Variants in SLC2A9 observed in about 807,000 individuals in gnomAD.
SLC2A9 encodes solute carrier family 2 member 9, also known as solute carrier family 2, facilitated glucose transporter member 9.
A neutral mutation model predicts 50.6 loss-of-function variants in SLC2A9; 39 were observed. That is an observed-to-expected ratio of 0.77 (90% CI 0.60 to 1.01). The LOEUF (loss-of-function observed/expected upper bound fraction) is 1.01. Among genes scored for constraint, SLC2A9 ranks in the 50% least tolerant of loss-of-function variants. The probability of loss-of-function intolerance (pLI) is 0.00; values close to 1 mark genes in which losing one functional copy is unlikely to be tolerated. For missense variants in SLC2A9, 686 were observed against 677.6 expected, an observed-to-expected ratio of 1.01 and a Z score of -0.14; for synonymous variants, 324 against 276.9, an observed-to-expected ratio of 1.17 and a Z score of -1.69.
intron 10 of SLC2A9, among the ~76,000 whole-genome samples, chr4:9,884,941 T>C (rs1281961625): frequency 6.6e-6 from 1 of 152,146 alleles, no homozygotes; most frequent in African/African-American, 2.4e-5. Flanking sequence ...ACACCACATG[T>C]TCTCACTCAT....
intron 3 of SLC2A9, among the ~76,000 whole-genome samples, chr4:9,996,546 T>C (rs1758704060): frequency 6.6e-6 from 1 of 152,012 alleles, no homozygotes; most frequent in Non-Finnish European, 1.5e-5. Flanking sequence ...GTGCTGTGGC[T>C]CTGACACAGC....
chr4:9,845,676 C>T (rs1016110988), intron 10 of SLC2A9, among the ~76,000 whole-genome samples: 54 of 147,958 alleles, frequency 3.6e-4, no homozygotes, highest in Middle Eastern at 4.0e-3. Context: ...GTGATCCGCC[C>T]GCCTCGGCCT....
chr4:9,780,898 C>A (rs1718265070), intron 3 of SLC2A9, among the ~76,000 whole-genome samples: 1 of 152,184 alleles, frequency 6.6e-6, no homozygotes, highest in South Asian at 2.1e-4. Flanking sequence ...TGTAAAAGTG[C>A]CCTGCAAAGA....
chr4:9,911,934 T>C (rs1741887517), intron 7 of SLC2A9, among the ~76,000 whole-genome samples: 2 of 152,142 alleles, frequency 1.3e-5, no homozygotes, highest in South Asian at 2.1e-4. Context: ...ATGTGGCACA[T>C]ATACACCATG....
intron 5 of SLC2A9, among the ~76,000 whole-genome samples, chr4:9,949,480 T>C (rs1749807998): frequency 6.6e-6 from 1 of 152,250 alleles, no homozygotes; most frequent in South Asian, 2.1e-4. Flanking sequence ...AGTATTATTA[T>C]AATTTCTAGT....
chr4:9,839,715 T>A (rs1727713773), intron 10 of SLC2A9, among the ~76,000 whole-genome samples: 1 of 152,070 alleles, frequency 6.6e-6, no homozygotes, highest in African/African-American at 2.4e-5. Flanking sequence ...CCTAGCAAAC[T>A]AAATGCAGGA....
intron 3 of SLC2A9, among the ~76,000 whole-genome samples, chr4:9,808,730 T>G (rs1376265254): frequency 6.6e-6 from 1 of 152,180 alleles, no homozygotes; most frequent in East Asian, 1.9e-4. Flanking sequence ...TGTCTCTCCC[T>G]TTTGCAACAT....
chr4:9,791,387 C>T (rs908439874), intron 3 of SLC2A9, among the ~76,000 whole-genome samples: 8 of 152,184 alleles, frequency 5.3e-5, no homozygotes, highest in Non-Finnish European at 1.0e-4. Flanking sequence ...TTCACAGGCT[C>T]TCAGATAGAG....
chr4:10,007,470 G>A (rs954626865), intron 2 of SLC2A9, among the ~76,000 whole-genome samples: 5 of 152,204 alleles, frequency 3.3e-5, no homozygotes, highest in African/African-American at 9.6e-5. Flanking sequence ...AGCCTCCTGG[G>A]TTTCCCCTCA....
intron 10 of SLC2A9, among the ~76,000 whole-genome samples, chr4:9,847,913 C>T (rs1272640015): frequency 6.6e-6 from 1 of 152,092 alleles, no homozygotes; most frequent in Non-Finnish European, 1.5e-5. Context: ...ACTGAAAGAG[C>T]AAAGGAATTT....
intron 1 of SLC2A9, among the ~76,000 whole-genome samples, chr4:10,030,969 T>C (rs1372258889): frequency 6.6e-6 from 1 of 152,042 alleles, no homozygotes; most frequent in Non-Finnish European, 1.5e-5. Context: ...TGCAGAGAAC[T>C]CAACCCCAGC....
chr4:9,837,886 A>G (rs1256933080), intron 10 of SLC2A9, among the ~76,000 whole-genome samples: 1 of 152,172 alleles, frequency 6.6e-6, no homozygotes, highest in East Asian at 1.9e-4. Flanking sequence ...AAGGTGGTAA[A>G]GCATAGTGGA....
downstream of SLC2A9, among the ~76,000 whole-genome samples, chr4:9,795,374 GCA>G (rs377705565): frequency 5.4e-3 from 829 of 152,260 alleles, 7 homozygotes; most frequent in African/African-American, 0.019. Flanking sequence ...GCTGTACTGA[GCA>G]GTGAGAAAAC....
intron 3 of SLC2A9, among the ~76,000 whole-genome samples, chr4:9,812,038 A>C (rs1722961944): frequency 6.6e-6 from 1 of 152,212 alleles, no homozygotes; most frequent in Non-Finnish European, 1.5e-5. Flanking sequence ...TTTTATGTTA[A>C]AGCCACTGTG....
intron 1 of SLC2A9, among the ~76,000 whole-genome samples, chr4:10,032,032 A>G (rs1040273625): frequency 1.3e-5 from 2 of 152,184 alleles, no homozygotes; most frequent in African/African-American, 4.8e-5. Flanking sequence ...GATGGTGTAT[A>G]TTGAGCACCT....
intron 10 of SLC2A9, chr4:9,879,943 TC>T: frequency 1.0e-6 from 1 of 985,458 alleles, no homozygotes; most frequent in Non-Finnish European, 1.2e-6. Context: ...TAATTTCAAC[TC>T]CTTGTCAAGT....
intron 3 of SLC2A9, among the ~76,000 whole-genome samples, chr4:9,807,056 G>A (rs1722216237): frequency 6.6e-6 from 1 of 152,130 alleles, no homozygotes; most frequent in Non-Finnish European, 1.5e-5. Context: ...TACAGAAAAT[G>A]GACCCTGTTT....
Position 10,002,008 on chromosome 4 carries a change from G to T in SLC2A9, c.250-5067C>A, listed in dbSNP as rs186734709. Among the ~76,000 whole-genome samples the T allele has an allele frequency of 9.2e-3, 1,398 of 152,324 alleles. 85 individuals carry two copies. Among genetic ancestry groups the T allele is most frequent in the Admixed American group, 0.086 (1,313 of 15,296 alleles). The stretch of plus-strand genomic sequence containing the variant: ...GGAACTTTGATCAAGGTGTTACTGG[G>T]GCTAAGACATGGGGCTGAGGAGGAT... On this transcript the variant is annotated intron_variant, in intron 2 of 11. Transcript: ENST00000264784.
chr4:9,984,185 G>T (rs1469911546), intron 4 of SLC2A9, among the ~76,000 whole-genome samples: 1 of 152,158 alleles, frequency 6.6e-6, no homozygotes, highest in Non-Finnish European at 1.5e-5. Context: ...TATTAGAGAG[G>T]CCTAGATTAT....
Sources: gnomAD v4.1 joint callset for allele counts (sites outside exome capture counted in the v4.1 genomes callset) on GRCh38, gnomAD v4.1.1 for gene constraint, MANE v1.5 for transcripts, NCBI Gene and HGNC (gene_info 2026-07-23, HGNC 2026-07-21) for gene names.